SUCLG2: variants seen among roughly 807,000 people sequenced by gnomAD.
SUCLG2 encodes the protein succinate--CoA ligase [GDP-forming] subunit beta, mitochondrial.
Under a neutral mutation model 47.9 loss-of-function variants are expected in SUCLG2, and 42 were observed. The ratio of observed to expected loss-of-function variants is 0.88; its 90% CI spans 0.69 to 1.14. SUCLG2 has a LOEUF of 1.14. SUCLG2 is among the 50% of genes most tolerant of loss of function. SUCLG2 has a pLI of 0.00. For missense variants in SUCLG2, 571 were observed against 525.9 expected, an observed-to-expected ratio of 1.09 and a Z score of -0.84; for synonymous variants, 195 against 197.3, an observed-to-expected ratio of 0.99 and a Z score of 0.10.
chr3:67,414,778 G>A (rs1313980502), intron 9 of SUCLG2, among the ~76,000 whole-genome samples: 1 of 152,186 alleles, frequency 6.6e-6, no homozygotes, highest in Non-Finnish European at 1.5e-5. Context: ...TTCCAAACCA[G>A]TGCATCTTTC....
intron 9 of SUCLG2, among the ~76,000 whole-genome samples, chr3:67,493,850 A>G (rs1025929480): frequency 1.3e-5 from 2 of 152,170 alleles, no homozygotes; most frequent in African/African-American, 4.8e-5. Flanking sequence ...ATGATTAGAG[A>G]GCCACTGATA....
At chr3:67,505,813 T>G (rs1047137997) in intron 7 of SUCLG2, among the ~76,000 whole-genome samples, 9 of 151,818 alleles carry the variant, frequency 5.9e-5, no homozygotes, top group African/African-American at 1.9e-4. Context: ...AATACAAAAA[T>G]TAGCTGGGCG....
intron 2 of SUCLG2, among the ~76,000 whole-genome samples, chr3:67,585,981 A>AC (rs1708006438): frequency 6.2e-5 from 3 of 48,392 alleles, no homozygotes; most frequent in Non-Finnish European, 1.3e-4. Context: ...AAAAAAAAAA[A>AC]AAAAAAAAAA....
In SUCLG2 at chr3:67,588,352, A is replaced by G. The variant is rs1327079864; in HGVS notation, c.226+21103T>C. On this transcript the variant is annotated intron_variant, in intron 2 of 10. Coordinates refer to ENST00000307227, the MANE Select transcript of SUCLG2 (RefSeq NM_003848.4). ...TCTAATATGCTATTTAATGCAATCAAGAATTAATCAGTAAACTCCTATCCA... is the reference window on the plus strand; with the variant it reads ...TCTAATATGCTATTTAATGCAATCAGGAATTAATCAGTAAACTCCTATCCA... 5.9e-5 allele frequency among the ~76,000 whole-genome samples: 9 copies of G among 152,344 alleles called. No individual in the cohort carries two copies. In the East Asian group the frequency reaches 1.7e-3, roughly 29 times the overall value.
intron 6 of SUCLG2, chr3:67,514,448 C>G (rs892096216): frequency 4.1e-6 from 1 of 246,712 alleles, no homozygotes; most frequent in Non-Finnish European, 8.1e-6. Flanking sequence ...TCAATATTCA[C>G]GTACGCCTCT....
At chr3:67,523,566 C>T (rs1706177230) in intron 4 of SUCLG2, among the ~76,000 whole-genome samples, 2 of 152,088 alleles carry the variant, frequency 1.3e-5, no homozygotes, top group African/African-American at 4.8e-5. Flanking sequence ...CCTATTCTTT[C>T]CTTATAAAAT....
At chr3:67,450,905 A>G (rs981780765) in intron 9 of SUCLG2, among the ~76,000 whole-genome samples, 5 of 152,114 alleles carry the variant, frequency 3.3e-5, no homozygotes, top group Admixed American at 1.3e-4. Flanking sequence ...GCCATTCACA[A>G]CCTGGCCCTA....
chr3:67,629,267 G>C (rs1700887023), intron 1 of SUCLG2, among the ~76,000 whole-genome samples: 1 of 152,156 alleles, frequency 6.6e-6, no homozygotes, highest in Non-Finnish European at 1.5e-5. Context: ...CCCAGAGTTA[G>C]CACAAACACC....
chr3:67,403,006 G>A (rs748548108), intron 9 of SUCLG2, among the ~76,000 whole-genome samples: 2 of 152,206 alleles, frequency 1.3e-5, no homozygotes, highest in Non-Finnish European at 1.5e-5. Flanking sequence ...AGTGCCTGGA[G>A]TAAGTGTCAA....
At chr3:67,551,939 C>T (rs1297613248) in intron 2 of SUCLG2, among the ~76,000 whole-genome samples, 2 of 152,026 alleles carry the variant, frequency 1.3e-5, no homozygotes, top group African/African-American at 2.4e-5. Flanking sequence ...AAACCTTATC[C>T]ACACCACCTT....
Position 67,468,799 on chromosome 3 carries a change from A to G in SUCLG2, c.1062+26999T>C, listed in dbSNP as rs1704535120. Among the ~76,000 whole-genome samples the G allele has an allele frequency of 2.0e-5, 3 of 152,310 alleles. 1 individual carries two copies. The South Asian group carries it at 6.2e-4, about 32-fold the overall frequency. On this transcript the variant is annotated intron_variant, in intron 9 of 10. Coordinates refer to ENST00000307227, the MANE Select transcript of SUCLG2 (RefSeq NM_003848.4). ...GAGGTAGTGATAAACTGCTGTTTTTAAGCCACTAAGCTTCGGGGTGGTTTA... is the reference window on the plus strand; with the variant it reads ...GAGGTAGTGATAAACTGCTGTTTTTGAGCCACTAAGCTTCGGGGTGGTTTA...
At chr3:67,580,066 T>C (rs1164771652) in intron 2 of SUCLG2, among the ~76,000 whole-genome samples, 7 of 152,218 alleles carry the variant, frequency 4.6e-5, no homozygotes, top group East Asian at 1.9e-4. Context: ...AATATATTTA[T>C]GTTTTATGGT....
intron 9 of SUCLG2, among the ~76,000 whole-genome samples, chr3:67,451,976 A>G (rs1244321174): frequency 6.6e-6 from 1 of 152,220 alleles, no homozygotes; most frequent in Non-Finnish European, 1.5e-5. Context: ...ATGTGTGAGC[A>G]TCTGCATTAG....
chr3:67,622,034 A>G (rs529106947), intron 1 of SUCLG2, among the ~76,000 whole-genome samples: 2 of 152,328 alleles, frequency 1.3e-5, no homozygotes, highest in Non-Finnish European at 2.9e-5. Flanking sequence ...TATCTGCTAC[A>G]GTGGCCCATC....
chr3:67,386,189 C>G (rs760193649), intron 10 of SUCLG2, among the ~76,000 whole-genome samples: 1 of 151,974 alleles, frequency 6.6e-6, no homozygotes, highest in African/African-American at 2.4e-5. Context: ...CCCAGGTTCA[C>G]GCCATTCTCC....
At chr3:67,395,093 A>G (rs1232890515) in intron 10 of SUCLG2, among the ~76,000 whole-genome samples, 1 of 152,060 alleles carries the variant, frequency 6.6e-6, no homozygotes, top group East Asian at 1.9e-4. Context: ...GACCATCGAG[A>G]CTAGGAAGAA....
At chr3:67,542,288 TTTG>T (rs1182664972) in intron 2 of SUCLG2, among the ~76,000 whole-genome samples, 4 of 152,162 alleles carry the variant, frequency 2.6e-5, no homozygotes, top group Admixed American at 6.5e-5. Context: ...GCTGAGAGAT[TTTG>T]TTACCACCAG....
At chr3:67,510,353 C>A (rs1443249443) in intron 6 of SUCLG2, among the ~76,000 whole-genome samples, 6 of 152,132 alleles carry the variant, frequency 3.9e-5, no homozygotes, top group Non-Finnish European at 8.8e-5. Flanking sequence ...TATAAACGAA[C>A]CCACATAATG....
intron 10 of SUCLG2, chr3:67,360,884 T>C (rs1575649151): frequency 1.2e-6 from 1 of 848,884 alleles, no homozygotes; most frequent in East Asian, 2.9e-5. Context: ...GGAAACATCG[T>C]GTTACTGATT....
Sources: allele counts gnomAD v4.1 joint callset (sites outside exome capture counted in the v4.1 genomes callset), GRCh38; gene constraint gnomAD v4.1.1; transcripts MANE v1.5; gene names NCBI Gene and HGNC (gene_info 2026-07-23, HGNC 2026-07-21).